Variants in RASAL2 observed in about 807,000 individuals in gnomAD.
RASAL2 encodes RAS protein activator like 2, also known as ras GTPase-activating protein nGAP.
Under a neutral mutation model 128.9 loss-of-function variants are expected in RASAL2, and 58 were observed. The observed-to-expected ratio is 0.45, with a 90% confidence interval of 0.36 to 0.56. RASAL2 has a LOEUF of 0.56. Ranked by LOEUF, RASAL2 falls within the 20% of genes least tolerant of loss-of-function variation. The pLI is 0.00. For missense variants in RASAL2, 1,360 were observed against 1,601.6 expected, an observed-to-expected ratio of 0.85 and a Z score of 2.57; for synonymous variants, 561 against 580.8, an observed-to-expected ratio of 0.97 and a Z score of 0.49.
chr1:178,291,341 G>A (rs1667273413), intron 2 of RASAL2, among the ~76,000 whole-genome samples: 1 of 152,194 alleles, frequency 6.6e-6, no homozygotes, highest in Non-Finnish European at 1.5e-5. Context: ...ACCAGGGAAA[G>A]GGTATTTAGC....
chr1:178,173,913 T>A (rs5029348), intron 1 of RASAL2, among the ~76,000 whole-genome samples: 120 of 142,852 alleles, frequency 8.4e-4, no homozygotes, highest in Non-Finnish European at 8.5e-4. Flanking sequence ...TTTTTTTTTT[T>A]TAAAAAAGTT....
At chr1:178,463,326 A>C (rs186092808) in intron 14 of RASAL2, among the ~76,000 whole-genome samples, 1 of 152,328 alleles carries the variant, frequency 6.6e-6, no homozygotes, top group East Asian at 1.9e-4. Flanking sequence ...TGGAGAAAGC[A>C]CTAATGTTCA....
intron 1 of RASAL2, among the ~76,000 whole-genome samples, chr1:178,157,473 G>T (rs1202723014): frequency 1.3e-5 from 2 of 152,116 alleles, no homozygotes; most frequent in African/African-American, 4.8e-5. Flanking sequence ...GTGGGGAATT[G>T]GTCAGTGGGG....
At chr1:178,179,519 C>A (rs1270218302) in intron 1 of RASAL2, among the ~76,000 whole-genome samples, 2 of 151,990 alleles carry the variant, frequency 1.3e-5, no homozygotes, top group African/African-American at 4.8e-5. Context: ...GGAGAGAGGA[C>A]AGGTAGTGAG....
chr1:178,269,091 G>C (rs761898147), intron 1 of RASAL2, among the ~76,000 whole-genome samples: 1 of 152,198 alleles, frequency 6.6e-6, no homozygotes, highest in Non-Finnish European at 1.5e-5. Context: ...AAGATTAAAT[G>C]AGGTAATAAG....
intron 3 of RASAL2, among the ~76,000 whole-genome samples, chr1:178,356,822 A>G (rs941533766): frequency 1.8e-4 from 28 of 152,180 alleles, no homozygotes; most frequent in Admixed American, 5.9e-4. Flanking sequence ...TAAACTCTAC[A>G]TTTATGTTTT....
chr1:178,298,969 A>G (rs1427413478), intron 2 of RASAL2, among the ~76,000 whole-genome samples: 1 of 151,950 alleles, frequency 6.6e-6, no homozygotes, highest in East Asian at 1.9e-4. Context: ...CCATTACTCT[A>G]CATTGATAAC....
chr1:178,094,466 C>G lies in RASAL2; in HGVS notation c.-27C>G. ...CGCCAGCCCGCCCCGAAGCCGCCGC[C>G]TCGTCCCCCTCCCGCCTCGGGGCAC... is the stretch of plus-strand genomic sequence containing the variant. On this transcript the variant is annotated 5_prime_UTR_variant, in exon 1 of 18. Coordinates refer to ENST00000367649, the MANE Select transcript of RASAL2 (RefSeq NM_170692.4). 6.6e-7 allele frequency: 1 copy of G among 1,526,416 alleles called. No homozygotes were observed. Among genetic ancestry groups the G allele is most frequent in the Non-Finnish European group, 8.8e-7 (1 of 1,137,424 alleles). The allele number at this position is 1,526,416 out of a possible 1,614,324, so 94.6% of individuals were successfully genotyped here. A position where few individuals can be genotyped will look rare whatever the true frequency, so the allele number is the denominator to read the frequency against.
At chr1:178,173,829 C>T (rs551174098) in intron 1 of RASAL2, among the ~76,000 whole-genome samples, 1 of 151,828 alleles carries the variant, frequency 6.6e-6, no homozygotes, top group Non-Finnish European at 1.5e-5. Context: ...GGGTCTTTAT[C>T]CTTTCACATG....
intron 1 of RASAL2, among the ~76,000 whole-genome samples, chr1:178,212,017 T>G (rs946256984): frequency 5.3e-5 from 8 of 152,238 alleles, no homozygotes; most frequent in African/African-American, 1.9e-4. Flanking sequence ...CAGTATTTTT[T>G]TATTCTATCC....
chr1:178,462,131 A>C (rs1173504299), intron 14 of RASAL2, among the ~76,000 whole-genome samples: 1 of 152,170 alleles, frequency 6.6e-6, no homozygotes, highest in Non-Finnish European at 1.5e-5. Context: ...AGCAAGATGG[A>C]ATCTGAACCA....
chr1:178,472,325 G>A (rs1326821764), intron 17 of RASAL2, among the ~76,000 whole-genome samples: 1 of 151,716 alleles, frequency 6.6e-6, no homozygotes, highest in Non-Finnish European at 1.5e-5. Flanking sequence ...TTTTTTCAGA[G>A]ACTCAAAAGT....
chr1:178,346,633 A>G (rs1159912479), intron 3 of RASAL2, among the ~76,000 whole-genome samples: 1 of 152,174 alleles, frequency 6.6e-6, no homozygotes, highest in Non-Finnish European at 1.5e-5. Context: ...TCCTTCCCCT[A>G]TAAAAAACAG....
At chr1:178,368,050 A>G (rs896894111) in intron 3 of RASAL2, among the ~76,000 whole-genome samples, 2 of 152,206 alleles carry the variant, frequency 1.3e-5, no homozygotes, top group Non-Finnish European at 2.9e-5. Flanking sequence ...CAGTGGAGTT[A>G]AAGTAGTTGC....
At chr1:178,176,022 T>C (rs1661879129) in intron 1 of RASAL2, among the ~76,000 whole-genome samples, 1 of 152,216 alleles carries the variant, frequency 6.6e-6, no homozygotes. Context: ...AACATACATA[T>C]ACAGGTGTCT....
At chr1:178,291,196 T>C (rs1216195847) in intron 2 of RASAL2, among the ~76,000 whole-genome samples, 3 of 152,202 alleles carry the variant, frequency 2.0e-5, no homozygotes, top group Non-Finnish European at 4.4e-5. Context: ...TATGTCTCTT[T>C]GGCAAACTGA....
chr1:178,276,086 C>T (rs1175291474), intron 1 of RASAL2, among the ~76,000 whole-genome samples: 2 of 152,152 alleles, frequency 1.3e-5, no homozygotes, highest in Admixed American at 6.5e-5. Context: ...CCATATTACT[C>T]ATCAAGGTAC....
intron 4 of RASAL2, among the ~76,000 whole-genome samples, chr1:178,408,612 G>GTTTTTTTTT (rs756656921): frequency 7.0e-6 from 1 of 142,484 alleles, no homozygotes; most frequent in African/African-American, 2.9e-5. Context: ...GTTTTTTTTT[G>GTTTTTTTTT]TTTTTTGTTT....
rs757305588 is a variant in RASAL2, at chr1:178,454,580, A to G, written c.2143A>G (p.Ile715Val). The change falls in exon 12 of 18, where the codon ATT (isoleucine) becomes GTT (valine). Residue 715 changes from isoleucine to valine, a missense_variant. Ile to Val is a conservative substitution (Grantham distance 29). This residue lies in a region of RASAL2 where 741 missense variants were observed against 868.6 expected (regional missense o/e 0.85). Coordinates refer to ENST00000367649, the MANE Select transcript of RASAL2 (RefSeq NM_170692.4). ...AAACACCCCAGGCTTTGATGGTTAC[A>G]TTGATCTGGGCCGAGAGCTTTCAGT... The part of the protein sequence containing the change: ...ISNTPGFDGY[I>V]DLGRELSVLH... 12 of 1,613,848 alleles carry G rather than the reference A, an allele frequency of 7.4e-6. No homozygotes were observed. Among genetic ancestry groups the G allele is most frequent in the South Asian group, 3.3e-5 (3 of 91,078 alleles).
Sources: allele counts gnomAD v4.1 joint callset (sites outside exome capture counted in the v4.1 genomes callset), GRCh38; gene constraint gnomAD v4.1.1; regional missense constraint gnomAD v4.1.1; transcripts MANE v1.5; gene names NCBI Gene and HGNC (gene_info 2026-07-23, HGNC 2026-07-21).